CBLB: variants seen among roughly 807,000 people sequenced by gnomAD.
CBLB encodes E3 ubiquitin-protein ligase CBL-B.
In CBLB, 31 loss-of-function variants were observed where a neutral mutation model predicts 104.9. The observed-to-expected ratio is 0.30, with a 90% CI of 0.22 to 0.40. The LOEUF (loss-of-function observed/expected upper bound fraction) is 0.40, where lower values mean the gene tolerates loss of function less well. Among genes scored for constraint, CBLB ranks in the 10% least tolerant of loss-of-function variants. CBLB has a pLI of 1.00. For synonymous variants in CBLB, 440 were observed against 422.6 expected (o/e 1.04, Z -0.51); for missense variants, 1,062 against 1,214.6 (o/e 0.87, Z 1.87).
chr3:105,686,557 C>T (rs923471311), intron 13 of CBLB, among the ~76,000 whole-genome samples: 1 of 151,914 alleles, frequency 6.6e-6, no homozygotes, highest in Non-Finnish European at 1.5e-5. Flanking sequence ...AATTAACATT[C>T]ATTTTTATTT....
At chr3:105,669,924 A>G (rs910561300) in intron 18 of CBLB, among the ~76,000 whole-genome samples, 1 of 152,150 alleles carries the variant, frequency 6.6e-6, no homozygotes. Context: ...ATGTACAAAG[A>G]GATTTTCCTC....
chr3:105,665,684 T>C (rs1331503672), intron 18 of CBLB, among the ~76,000 whole-genome samples: 1 of 148,362 alleles, frequency 6.7e-6, no homozygotes, highest in African/African-American at 2.5e-5. Flanking sequence ...TATATTTTAC[T>C]GCATAACTAT....
chr3:105,668,318 G>A (rs1056455167), intron 18 of CBLB, among the ~76,000 whole-genome samples: 1 of 152,118 alleles, frequency 6.6e-6, no homozygotes, highest in African/African-American at 2.4e-5. Flanking sequence ...TCATATATGT[G>A]AATGATGTTC....
chr3:105,781,891 GAAAC>G (rs2080303539), intron 3 of CBLB, among the ~76,000 whole-genome samples: 1 of 152,042 alleles, frequency 6.6e-6, no homozygotes, highest in African/African-American at 2.4e-5. Flanking sequence ...TTTACAAGGT[GAAAC>G]AAACTCAATA....
Position 105,656,608 on chromosome 3 carries a change from T to A in CBLB, c.*2362A>T, listed in dbSNP as rs2063365776. 1 of 167,302 alleles carries A rather than the reference T, an allele frequency of 6.0e-6. No homozygotes were observed. The highest frequency in any genetic ancestry group is 1.3e-5 in the Non-Finnish European group (1 of 78,720). The allele number at this position is 167,302 out of a possible 1,614,324, so 10.4% of individuals were successfully genotyped here. ...TGGTAAATTTTCTCTGCAAAACAGA[T>A]ATCCCCCCACCCCCCACCCCCAAAT... On this transcript the variant is annotated 3_prime_UTR_variant, in exon 19 of 19. Coordinates refer to ENST00000394030, the MANE Select transcript of CBLB (RefSeq NM_170662.5).
At chr3:105,716,882 G>A (rs1314847359) in intron 10 of CBLB, among the ~76,000 whole-genome samples, 1 of 152,052 alleles carries the variant, frequency 6.6e-6, no homozygotes, top group African/African-American at 2.4e-5. Context: ...AAACAGAAAG[G>A]ATCAATTTGA....
intron 3 of CBLB, among the ~76,000 whole-genome samples, chr3:105,807,234 T>C (rs1170861659): frequency 6.6e-6 from 1 of 152,216 alleles, no homozygotes; most frequent in Non-Finnish European, 1.5e-5. Context: ...TAGTCACTTA[T>C]TTTCTTAAAG....
intron 4 of CBLB, among the ~76,000 whole-genome samples, chr3:105,758,768 G>C (rs2077311858): frequency 6.6e-6 from 1 of 152,246 alleles, no homozygotes; most frequent in African/African-American, 2.4e-5. Flanking sequence ...CACAGCAAGT[G>C]GCTTCCACTG....
In CBLB at chr3:105,657,210, G is replaced by A. The variant is rs941355329; in HGVS notation, c.*1760C>T. The A allele has an allele frequency of 2.3e-5, 5 of 221,512 alleles. No individual in the cohort carries two copies. The highest frequency in any genetic ancestry group is 1.8e-4 in the South Asian group (1 of 5,430). 13.7% of individuals were successfully genotyped at this position (221,512 alleles called of 1,614,324 possible). A position where few individuals can be genotyped will look rare whatever the true frequency, so the allele number is the denominator to read the frequency against. On this transcript the variant is annotated 3_prime_UTR_variant, in exon 19 of 19. Transcript: ENST00000394030. Reference sequence around the variant, plus strand: ...CTCTCCCAGGGTCAACTTAGTCTACGTGTCTTTTGTATAACATTAATTTCC... The same window carrying A: ...CTCTCCCAGGGTCAACTTAGTCTACATGTCTTTTGTATAACATTAATTTCC...
intron 2 of CBLB, among the ~76,000 whole-genome samples, chr3:105,859,608 T>C (rs1224701614): frequency 1.4e-5 from 2 of 142,334 alleles, no homozygotes; most frequent in African/African-American, 5.3e-5. Flanking sequence ...TGAGCCGAGA[T>C]CGTGCCACTG....
intron 2 of CBLB, among the ~76,000 whole-genome samples, chr3:105,856,708 T>C (rs1054967590): frequency 2.6e-5 from 4 of 152,156 alleles, no homozygotes; most frequent in African/African-American, 9.7e-5. Flanking sequence ...AAAGTAATAA[T>C]AGTATTTTTA....
At position 105,834,631 on chromosome 3, in the gene CBLB, G is replaced by A. The variant is rs369335720; in HGVS notation, c.419+18783C>T. ...AGATTGCGCCACTGCACTCCAGCCTGAGCGACAGAGCAAAACTCCATCTCA... is the reference window on the plus strand; with the variant it reads ...AGATTGCGCCACTGCACTCCAGCCTAAGCGACAGAGCAAAACTCCATCTCA... On this transcript the variant is annotated intron_variant, in intron 3 of 18. Transcript: ENST00000394030. Among the ~76,000 whole-genome samples the A allele has an allele frequency of 4.0e-3, 602 of 149,488 alleles. 3 individuals carry two copies. The highest frequency in any genetic ancestry group is 6.9e-3 in the Non-Finnish European group (467 of 67,558).
chr3:105,721,052 T>C (rs2072743519), intron 9 of CBLB, among the ~76,000 whole-genome samples: 1 of 152,220 alleles, frequency 6.6e-6, no homozygotes, highest in Non-Finnish European at 1.5e-5. Context: ...ACTGTTTTCT[T>C]GCCCTACAGA....
chr3:105,834,250 AG>A (rs1189504162), intron 3 of CBLB, among the ~76,000 whole-genome samples: 2 of 152,214 alleles, frequency 1.3e-5, no homozygotes. Flanking sequence ...AAAGAAAAAA[AG>A]TAAGTATGGG....
Position 105,746,011 on chromosome 3 carries a change from T to C in CBLB, c.751A>G (p.Asn251Asp). ...QPWGSILRNW[N>D]FLAVTHPGYM... Reference sequence around the variant, plus strand: ...CCTGGATGTGTCACAGCTAAGAAATTCCAATTCCGCAAAATAGAGCCCCAA... The same window carrying C: ...CCTGGATGTGTCACAGCTAAGAAATCCCAATTCCGCAAAATAGAGCCCCAA... The change falls in exon 6 of 19, where the codon AAT (asparagine) becomes GAT (aspartate). Residue 251 changes from asparagine to aspartate, a missense_variant. Physicochemically the swap from Asn to Asp is conservative, Grantham distance 23 (BLOSUM62 1). Transcript: ENST00000394030. 1.2e-6 allele frequency: 2 copies of C among 1,609,054 alleles called. No individual in the cohort carries two copies. Among genetic ancestry groups the C allele is most frequent in the Non-Finnish European group, 1.7e-6 (2 of 1,175,508 alleles).
chr3:105,681,737 G>C lies in CBLB; in HGVS notation c.2283C>G (p.Ser761Arg). 6.2e-7 allele frequency: 1 copy of C among 1,606,036 alleles called. No individual in the cohort carries two copies. The highest frequency in any genetic ancestry group is 8.5e-7 in the Non-Finnish European group (1 of 1,172,782). The stretch of plus-strand genomic sequence containing the variant: ...TTCTATACGTACCCTTTAAATATAT[G>C]CTTAAGTCAGGGATGTTTGATTTCT... ...SEKKSNIPDL[S>R]IYLKGDVFDS... The change falls in exon 15 of 19, where the codon AGC becomes AGG. Residue 761 changes from serine to arginine, a missense_variant. By Grantham distance (110) the Ser-to-Arg change is moderately radical. Coordinates refer to ENST00000394030, the MANE Select transcript of CBLB (RefSeq NM_170662.5).
chr3:105,755,016 C>CTTTT (rs67405809), intron 4 of CBLB, among the ~76,000 whole-genome samples: 254 of 143,476 alleles, frequency 1.8e-3, no homozygotes, highest in East Asian at 7.8e-3. Flanking sequence ...AGTATCTTTT[C>CTTTT]TTTTTTTTTT....
At position 105,681,929 on chromosome 3, in the gene CBLB, A is replaced by G. The variant is rs1263501155; in HGVS notation, c.2202-111T>C. The G allele has an allele frequency of 1.6e-5, 11 of 697,996 alleles. No individual in the cohort carries two copies. In the African/African-American group the frequency reaches 1.8e-4, roughly 11 times the overall value. 43.2% of individuals were successfully genotyped at this position (697,996 alleles called of 1,614,324 possible). ...TGTTTATTTAATAAAGTTTGAACATATATTTTTCTTTTCTCAAAATTACCA... is the reference window on the plus strand; with the variant it reads ...TGTTTATTTAATAAAGTTTGAACATGTATTTTTCTTTTCTCAAAATTACCA... On this transcript the variant is annotated intron_variant, in intron 14 of 18. Transcript: ENST00000394030.
At chr3:105,721,029 C>T (rs1322648522) in intron 9 of CBLB, among the ~76,000 whole-genome samples, 1 of 152,130 alleles carries the variant, frequency 6.6e-6, no homozygotes, top group African/African-American at 2.4e-5. Flanking sequence ...TCACAATTTG[C>T]AGGGAAATAA....
Sources: gnomAD v4.1 joint callset for allele counts (sites outside exome capture counted in the v4.1 genomes callset) on GRCh38, gnomAD v4.1.1 for gene constraint, MANE v1.5 for transcripts, NCBI Gene and HGNC (gene_info 2026-07-23, HGNC 2026-07-21) for gene names.